The following ANO4 variants were observed in gnomAD, a reference collection of about 807,000 sequenced individuals.
The protein encoded by ANO4 is anoctamin-4.
A neutral mutation model predicts 141.9 loss-of-function variants in ANO4; 69 were observed. The ratio of observed to expected loss-of-function variants is 0.49; its 90% CI spans 0.40 to 0.59. The LOEUF (loss-of-function observed/expected upper bound fraction) is 0.59, where lower values mean the gene tolerates loss of function less well. Ranked by LOEUF, ANO4 falls within the 20% of genes least tolerant of loss-of-function variation. ANO4 has a pLI of 0.00. For synonymous variants in ANO4, 350 were observed against 394.3 expected, an observed-to-expected ratio of 0.89 and a Z score of 1.33; for missense variants, 894 against 1,162.2, an observed-to-expected ratio of 0.77 and a Z score of 3.36.
At position 100,776,416 on chromosome 12, in the gene ANO4, C is replaced by G. The variant is rs534583520; in HGVS notation, c.358+36311C>G. On this transcript the variant is annotated intron_variant, in intron 3 of 29. Transcript: ENST00000644049. ...TTGGTTCATAACCACCCCAGGGATT[C>G]AGCATCAGAAATGACCCAGGACCCC... Among the ~76,000 whole-genome samples the G allele has an allele frequency of 2.6e-5, 4 of 152,298 alleles. No homozygotes were observed. In the South Asian group the frequency reaches 8.3e-4, roughly 32 times the overall value.
At position 101,120,484 on chromosome 12, in the gene ANO4, A is replaced by G. The variant is rs199821212; in HGVS notation, c.2571-36A>G. 2,853 of 1,548,866 alleles carry G rather than the reference A, an allele frequency of 1.8e-3. 6 individuals are homozygous for G. Among genetic ancestry groups the G allele is most frequent in the Middle Eastern group, 4.2e-3 (25 of 5,942 alleles). On this transcript the variant is annotated intron_variant, in intron 25 of 27. Coordinates refer to ENST00000392977, the MANE Select transcript of ANO4 (RefSeq NM_001286615.2). The stretch of plus-strand genomic sequence containing the variant: ...AAGAGATTTGAGAATCAGAAAAATC[A>G]TAGTTTGAATGCAACATTTTTCTGT...
At chr12:101,083,051 A>C (rs1430936442) in intron 15 of ANO4, among the ~76,000 whole-genome samples, 1 of 152,186 alleles carries the variant, frequency 6.6e-6, no homozygotes, top group African/African-American at 2.4e-5. Context: ...CTTGATTTTA[A>C]CTGGTTTTGA....
chr12:100,765,379 C>CTTTTTTTTTT (rs71091461), intron 3 of ANO4, among the ~76,000 whole-genome samples: 3 of 125,398 alleles, frequency 2.4e-5, no homozygotes, highest in African/African-American at 6.2e-5. Flanking sequence ...TTCTTTCTTT[C>CTTTTTTTTTT]TTTTTTTTTT....
chr12:100,971,405 A>G lies in ANO4; in HGVS notation c.556A>G (p.Arg186Gly), dbSNP rs2043929302. ...ACAAATGAATGTAAGAATGCCTTTCAGGTAGGTGGAAATGTATTTTATTCC... is the reference window on the plus strand; with the variant it reads ...ACAAATGAATGTAAGAATGCCTTTCGGGTAGGTGGAAATGTATTTTATTCC... ...AEQMNVRMPFRRKIYYLPRRY... is the reference protein window; with the variant it reads ...AEQMNVRMPFGRKIYYLPRRY... The change falls in exon 6 of 28, where the codon AGG becomes GGG. Residue 186 changes from arginine to glycine, a missense_variant and splice_region_variant. This residue lies in a region of ANO4 where 257 missense variants were observed against 253.0 expected (regional missense o/e 1.02). Coordinates refer to ENST00000392977, the MANE Select transcript of ANO4 (RefSeq NM_001286615.2). 1.3e-6 allele frequency: 2 copies of G among 1,590,134 alleles called. No individual in the cohort carries two copies. Among genetic ancestry groups the G allele is most frequent in the Non-Finnish European group, 1.7e-6 (2 of 1,159,926 alleles).
intron 9 of ANO4, among the ~76,000 whole-genome samples, chr12:101,028,691 C>G (rs1448074855): frequency 6.6e-6 from 1 of 152,108 alleles, no homozygotes; most frequent in Non-Finnish European, 1.5e-5. Flanking sequence ...AAAGACCAAA[C>G]CTACAATTGA....
intron 22 of ANO4, among the ~76,000 whole-genome samples, chr12:101,103,970 T>C (rs1257491705): frequency 6.6e-6 from 1 of 151,972 alleles, no homozygotes; most frequent in African/African-American, 2.4e-5. Flanking sequence ...GTTTTAGTCA[T>C]GTATTTTTTC....
chr12:101,029,815 CAGG>C (rs2046898238), intron 9 of ANO4, among the ~76,000 whole-genome samples: 1 of 144,254 alleles, frequency 6.9e-6, no homozygotes, highest in South Asian at 2.2e-4. Flanking sequence ...GAGGCTGAGG[CAGG>C]AGAATTGCTT....
chr12:100,831,050 G>C (rs1295890960), intron 1 of ANO4, among the ~76,000 whole-genome samples: 1 of 152,006 alleles, frequency 6.6e-6, no homozygotes. Flanking sequence ...ATAATGCCTT[G>C]TAACTTGGCT....
At chr12:101,003,946 C>G (rs951212205) in intron 8 of ANO4, among the ~76,000 whole-genome samples, 1 of 152,008 alleles carries the variant, frequency 6.6e-6, no homozygotes, top group South Asian at 2.1e-4. Flanking sequence ...AATTCCAAAT[C>G]AAAAATCTAT....
chr12:100,971,158 A>G (rs1046686589), intron 5 of ANO4, 148 bp from the exon 6 acceptor site: 11 of 468,392 alleles, frequency 2.3e-5, no homozygotes, highest in Non-Finnish European at 3.8e-6. Flanking sequence ...TTAAATGAAT[A>G]CTTGCACTTG....
chr12:100,945,316 A>G (rs2042679808), intron 5 of ANO4, among the ~76,000 whole-genome samples: 1 of 152,230 alleles, frequency 6.6e-6, no homozygotes. Context: ...GTCAAGTTTA[A>G]TCTTTCTTAA....
chr12:101,026,419 C>T (rs570296021), intron 9 of ANO4, among the ~76,000 whole-genome samples: 1 of 152,192 alleles, frequency 6.6e-6, no homozygotes, highest in South Asian at 2.1e-4. Context: ...GTTTATGAGT[C>T]AGAAGACTCA....
At chr12:101,019,907 G>A (rs1350607332) in intron 8 of ANO4, 127 bp from the exon 9 acceptor site, 16 of 738,930 alleles carry the variant, frequency 2.2e-5, no homozygotes, top group Non-Finnish European at 3.1e-5. Flanking sequence ...CCCTCAGGCT[G>A]TTCCAGACAC....
At chr12:100,727,215 G>A (rs2031172633) in intron 1 of ANO4, among the ~76,000 whole-genome samples, 1 of 152,104 alleles carries the variant, frequency 6.6e-6, no homozygotes, top group Non-Finnish European at 1.5e-5. Flanking sequence ...AATTTTCAGT[G>A]TTTTTACTAA....
rs1434322866 is a variant in ANO4 at position 101,126,957 on chromosome 12, A to G, written c.2755A>G (p.Arg919Gly). The G allele has an allele frequency of 1.2e-6, 2 of 1,614,074 alleles. No individual in the cohort carries two copies. The highest frequency in any genetic ancestry group is 2.7e-5 in the African/African-American group (2 of 74,934). ...LPKDLRDRMR[R>G]EKYLIQEMMY... is the part of the protein sequence containing the mutation. ...AAAAGACCTAAGGGATCGAATGAGAAGAGAGAAGTACTTGATTCAGGAGAT... is the reference window on the plus strand; with the variant it reads ...AAAAGACCTAAGGGATCGAATGAGAGGAGAGAAGTACTTGATTCAGGAGAT... Residue 919 changes from arginine to glycine, a missense_variant, in exon 27 of 28, where the codon AGA becomes GGA. By Grantham distance (125) the Arg-to-Gly change is moderately radical. Transcript: ENST00000392977.
rs183809727 is a variant in ANO4 at position 100,820,957 on chromosome 12, T to C, written c.-141+25930T>C. 1.2e-3 allele frequency among the ~76,000 whole-genome samples: 181 copies of C among 152,132 alleles called. 1 individual carries two copies. The highest frequency in any genetic ancestry group is 4.3e-3 in the African/African-American group (178 of 41,524). ...ATCATTTCTTGTATCTTATTTTTGTTGGTCAGCATTATAGCTAGTTGTTGG... is the reference window on the plus strand; with the variant it reads ...ATCATTTCTTGTATCTTATTTTTGTCGGTCAGCATTATAGCTAGTTGTTGG... On this transcript the variant is annotated intron_variant, in intron 1 of 27. Transcript: ENST00000392977.
intron 9 of ANO4, among the ~76,000 whole-genome samples, chr12:101,033,644 T>C (rs1032387850): frequency 4.0e-5 from 6 of 151,324 alleles, no homozygotes; most frequent in South Asian, 2.1e-4. Flanking sequence ...GACAAATGAG[T>C]TCTAATTAAA....
intron 15 of ANO4, among the ~76,000 whole-genome samples, 198 bp from the exon 16 acceptor site, chr12:101,083,480 C>A (rs755171225): frequency 1.3e-5 from 2 of 152,104 alleles, no homozygotes; most frequent in Non-Finnish European, 2.9e-5. Flanking sequence ...GATAGTAAAT[C>A]TTGATCTTCA....
intron 9 of ANO4, among the ~76,000 whole-genome samples, chr12:101,021,681 G>A (rs1025809528): frequency 2.6e-5 from 4 of 152,070 alleles, no homozygotes; most frequent in Non-Finnish European, 5.9e-5. Context: ...ATAATTTTGC[G>A]TTGACCATTT....
Sources: allele counts gnomAD v4.1 joint callset (sites outside exome capture counted in the v4.1 genomes callset), GRCh38; gene constraint gnomAD v4.1.1; regional missense constraint gnomAD v4.1.1; transcripts MANE v1.5; gene names NCBI Gene and HGNC (gene_info 2026-07-23, HGNC 2026-07-21).